The following BLTP1 variants were observed in gnomAD, a reference collection of about 807,000 sequenced individuals.
The protein encoded by BLTP1 is bridge-like lipid transfer protein family member 1, also known as fragile site-associated protein.
the BLTP1 span, chr4:122,240,071 T>G: frequency 6.2e-7 from 1 of 1,614,166 alleles, no homozygotes; most frequent in Admixed American, 1.7e-5. Context: ...CTTCTCAGGC[T>G]TCATTTGTTT....
chr4:122,342,673 G>A, the BLTP1 span, among the ~76,000 whole-genome samples: 1 of 152,094 alleles, frequency 6.6e-6, no homozygotes, highest in Non-Finnish European at 1.5e-5. Context: ...TGTTTTCATG[G>A]AAGTATTCAT....
the BLTP1 span, chr4:122,305,659 A>G: frequency 1.1e-6 from 1 of 947,806 alleles, no homozygotes; most frequent in Non-Finnish European, 1.3e-6. Flanking sequence ...ACTTTTATAT[A>G]AAGTTTATCT....
the BLTP1 span, among the ~76,000 whole-genome samples, chr4:122,298,386 A>G: frequency 6.6e-6 from 1 of 152,204 alleles, no homozygotes; most frequent in Non-Finnish European, 1.5e-5. Flanking sequence ...CAAGATATAC[A>G]TAGAGTCATA....
chr4:122,278,726 G>T, the BLTP1 span, among the ~76,000 whole-genome samples: 1 of 152,142 alleles, frequency 6.6e-6, no homozygotes, highest in African/African-American at 2.4e-5. Flanking sequence ...CCGTCTCCTG[G>T]GTTCACGCAA....
At chr4:122,281,516 A>G in the BLTP1 span, 1 of 1,407,042 alleles carries the variant, frequency 7.1e-7, no homozygotes, top group Admixed American at 2.4e-5. Context: ...TTTTTTAATT[A>G]TTTTTTTTTT....
At chr4:122,354,661 T>C in the BLTP1 span, among the ~76,000 whole-genome samples, 1 of 151,270 alleles carries the variant, frequency 6.6e-6, no homozygotes, top group Admixed American at 6.6e-5. Flanking sequence ...AATGACCTTT[T>C]TTCTTTTCTT....
the BLTP1 span, chr4:122,204,320 G>A: frequency 1.0e-6 from 1 of 978,078 alleles, no homozygotes; most frequent in South Asian, 4.7e-5. Context: ...ACTAAGGTCT[G>A]AAATGGTGTT....
At chr4:122,164,345 T>C in the BLTP1 span, 2 of 916,154 alleles carry the variant, frequency 2.2e-6, no homozygotes, top group African/African-American at 1.8e-5. Flanking sequence ...ATTATGGAAA[T>C]ATTACACGCC....
chr4:122,269,475 G>A, the BLTP1 span: 32,465 of 984,936 alleles, frequency 0.033, 666 homozygotes, highest in East Asian at 0.14. Flanking sequence ...CTACTAACGC[G>A]CCAGCTCCGA....
the BLTP1 span, chr4:122,286,814 T>G: frequency 6.3e-7 from 1 of 1,587,008 alleles, no homozygotes; most frequent in Non-Finnish European, 8.6e-7. Flanking sequence ...TTTCTTACTC[T>G]TCGTAATTTA....
chr4:122,296,514 T>C, the BLTP1 span, among the ~76,000 whole-genome samples: 2 of 152,226 alleles, frequency 1.3e-5, no homozygotes, highest in African/African-American at 4.8e-5. Flanking sequence ...ATAGATTCAA[T>C]GTTATTCCCA....
the BLTP1 span, chr4:122,169,504 T>C: frequency 1.2e-5 from 5 of 415,630 alleles, no homozygotes; most frequent in Non-Finnish European, 1.6e-5. Flanking sequence ...TTCTGGTTTA[T>C]TATGAGATAG....
chr4:122,289,828 AT>A, the BLTP1 span: 1 of 973,954 alleles, frequency 1.0e-6, no homozygotes, highest in Non-Finnish European at 1.2e-6. Flanking sequence ...CATTTAACAA[AT>A]TTATGAAGTA....
At chr4:122,234,349 A>G in the BLTP1 span, 6 of 165,240 alleles carry the variant, frequency 3.6e-5, no homozygotes. Flanking sequence ...GCAATGTGAA[A>G]TAGGCCCTGA....
At chr4:122,229,208 A>G in the BLTP1 span, 2 of 1,611,248 alleles carry the variant, frequency 1.2e-6, no homozygotes, top group Non-Finnish European at 8.5e-7. Context: ...CGATATTTAC[A>G]TTGTTGAGCA....
At chr4:122,251,733 A>T in the BLTP1 span, 2 of 358,208 alleles carry the variant, frequency 5.6e-6, no homozygotes, top group Admixed American at 6.5e-5. Flanking sequence ...GGGTTCTCTG[A>T]CTTTATTGGT....
At chr4:122,152,356 A>AC in the BLTP1 span, 42 of 984,580 alleles carry the variant, frequency 4.3e-5, no homozygotes, top group African/African-American at 1.2e-4. Context: ...CTCGGTTGGG[A>AC]CCCCTCCCCT....
At chr4:122,200,671 C>G in the BLTP1 span, 2 of 984,598 alleles carry the variant, frequency 2.0e-6, no homozygotes, top group Non-Finnish European at 2.4e-6. Flanking sequence ...TTCCTTCACA[C>G]TGAGCCTGTC....
the BLTP1 span, chr4:122,298,689 T>C: frequency 1.2e-4 from 17 of 137,770 alleles, no homozygotes; most frequent in Non-Finnish European, 1.8e-4. Context: ...ATAAAAAGAT[T>C]TAAATGAATT....
Sources: allele counts gnomAD v4.1 joint callset (sites outside exome capture counted in the v4.1 genomes callset), GRCh38; gene constraint gnomAD v4.1.1; transcripts MANE v1.5; gene names NCBI Gene and HGNC (gene_info 2026-07-23, HGNC 2026-07-21).